PAX2: variants seen among roughly 807,000 people sequenced by gnomAD.
PAX2 encodes paired box protein Pax-2.
PAX2 carries 9 observed loss-of-function variants against 41.7 expected under a neutral mutation model. The observed-to-expected ratio is 0.22, with a 90% confidence interval of 0.13 to 0.38. The LOEUF is 0.38. PAX2 is among the 10% of genes least tolerant of loss of function. The pLI, the probability that PAX2 is intolerant of heterozygous loss-of-function variation, is 1.00. For synonymous variants in PAX2, 221 were observed against 212.7 expected, an observed-to-expected ratio of 1.04 and a Z score of -0.34; for missense variants, 418 against 531.6, an observed-to-expected ratio of 0.79 and a Z score of 2.10.
In PAX2 at chr10:100,828,552, C is replaced by T. The variant is rs1237186748; in HGVS notation, c.*933C>T. Reference sequence around the variant, plus strand: ...CCCTGACTCGCAGCCCCATCGGACGCTCTCCCGGGACCGCCGCAGGACCAG... The same window carrying T: ...CCCTGACTCGCAGCCCCATCGGACGTTCTCCCGGGACCGCCGCAGGACCAG... On this transcript the variant is annotated 3_prime_UTR_variant, in exon 10 of 10. Coordinates refer to ENST00000355243, the MANE Select transcript of PAX2 (RefSeq NM_000278.5). The surrounding 1 kb of genome is among the most constrained non-coding windows in gnomAD (Gnocchi z 6.5). 1 of 233,278 alleles carries T rather than the reference C, an allele frequency of 4.3e-6. No individual in the cohort carries two copies. The highest frequency in any genetic ancestry group is 8.5e-6 in the Non-Finnish European group (1 of 118,126). The allele number at this position is 233,278 out of a possible 1,614,324, so 14.5% of individuals were successfully genotyped here.
At chr10:100,800,761 G>C (rs905380801) in intron 5 of PAX2, among the ~76,000 whole-genome samples, 12 of 152,200 alleles carry the variant, frequency 7.9e-5, no homozygotes, top group Non-Finnish European at 1.3e-4. Flanking sequence ...GGGGTGAGAG[G>C]TGTGAGATAG....
At chr10:100,825,377 G>C (rs1284562883) in intron 8 of PAX2, among the ~76,000 whole-genome samples, 3 of 152,110 alleles carry the variant, frequency 2.0e-5, no homozygotes, top group South Asian at 4.1e-4. Context: ...CTTCCCTGGG[G>C]CTCTGACCCA....
upstream of PAX2, among the ~76,000 whole-genome samples, chr10:100,743,095 G>A (rs1845027874): frequency 6.6e-6 from 1 of 151,830 alleles, no homozygotes; most frequent in Non-Finnish European, 1.5e-5. Context: ...GGAGCTAATG[G>A]GGAAGCGGCC....
At chr10:100,796,283 C>A (rs1362721212) in intron 5 of PAX2, among the ~76,000 whole-genome samples, 6 of 152,074 alleles carry the variant, frequency 3.9e-5, no homozygotes, top group African/African-American at 1.2e-4. Context: ...ATTTTTTAAT[C>A]AAAAATTGAA....
chr10:100,767,140 C>G (rs1312422426), intron 3 of PAX2, among the ~76,000 whole-genome samples: 1 of 152,160 alleles, frequency 6.6e-6, no homozygotes, highest in African/African-American at 2.4e-5. Flanking sequence ...ATAGGCACAC[C>G]CATACCCACA....
At chr10:100,823,733 A>T (rs981304551) in intron 7 of PAX2, among the ~76,000 whole-genome samples, 10 of 152,136 alleles carry the variant, frequency 6.6e-5, no homozygotes, top group African/African-American at 2.2e-4. Flanking sequence ...AGATCAGAGC[A>T]TGCTAAATTG....
intron 1 of PAX2, among the ~76,000 whole-genome samples, chr10:100,738,952 T>G (rs1483927319): frequency 6.6e-6 from 1 of 150,874 alleles, no homozygotes; most frequent in Non-Finnish European, 1.5e-5. Context: ...GGTCTCACCC[T>G]ACAGAGAGGG....
chr10:100,744,354 C>G (rs753082584), upstream of PAX2, among the ~76,000 whole-genome samples: 15 of 152,244 alleles, frequency 9.9e-5, no homozygotes, highest in Non-Finnish European at 1.9e-4. Flanking sequence ...AAAACATCAG[C>G]TGAAGTGCCA....
At chr10:100,808,283 G>A (rs1338331957) in intron 6 of PAX2, among the ~76,000 whole-genome samples, 1 of 152,060 alleles carries the variant, frequency 6.6e-6, no homozygotes, top group Admixed American at 6.6e-5. Context: ...AATACGAGAA[G>A]GAATTGGAAA....
intron 3 of PAX2, among the ~76,000 whole-genome samples, chr10:100,755,441 G>C (rs929823850): frequency 6.6e-6 from 1 of 152,242 alleles, no homozygotes; most frequent in Non-Finnish European, 1.5e-5. Flanking sequence ...AGAAAAGAGA[G>C]GGAAAACCCA....
At chr10:100,785,138 A>G (rs934460436) in intron 5 of PAX2, among the ~76,000 whole-genome samples, 5 of 152,174 alleles carry the variant, frequency 3.3e-5, no homozygotes, top group African/African-American at 1.2e-4. Flanking sequence ...AGGGATGCCA[A>G]TTCCCTGAAC....
chr10:100,771,043 C>G (rs1008783960), intron 3 of PAX2, among the ~76,000 whole-genome samples: 1 of 152,176 alleles, frequency 6.6e-6, no homozygotes, highest in African/African-American at 2.4e-5. Context: ...AAGATGGGAC[C>G]CGGTGATTTG....
At chr10:100,741,147 C>A (rs1318701314), upstream of PAX2, among the ~76,000 whole-genome samples, 1 of 152,218 alleles carries the variant, frequency 6.6e-6, no homozygotes, top group Admixed American at 6.5e-5. Flanking sequence ...AGGCCCAGCA[C>A]GTGCGCCTGG....
intron 3 of PAX2, among the ~76,000 whole-genome samples, chr10:100,769,680 A>AT: frequency 6.6e-6 from 1 of 150,822 alleles, no homozygotes; most frequent in African/African-American, 2.4e-5. Flanking sequence ...AAAAAAATAA[A>AT]AAACAAAAAA....
chr10:100,782,785 G>C (rs945317378), intron 5 of PAX2, among the ~76,000 whole-genome samples: 3 of 152,272 alleles, frequency 2.0e-5, no homozygotes, highest in African/African-American at 7.2e-5. Context: ...GATGGGCAGG[G>C]GGAGGTTGTG....
intron 5 of PAX2, among the ~76,000 whole-genome samples, chr10:100,805,028 A>T (rs1422153217): frequency 0.012 from 68 of 5,720 alleles, no homozygotes; most frequent in African/African-American, 0.021. Context: ...TCACATACAC[A>T]CACACACACA....
At chr10:100,796,831 A>G (rs1303712626) in intron 5 of PAX2, among the ~76,000 whole-genome samples, 1 of 152,208 alleles carries the variant, frequency 6.6e-6, no homozygotes, top group Non-Finnish European at 1.5e-5. Flanking sequence ...GCAATAGTGG[A>G]AAGGGATCTG....
intron 7 of PAX2, among the ~76,000 whole-genome samples, chr10:100,820,472 A>G (rs1043315380): frequency 6.6e-5 from 10 of 152,162 alleles, no homozygotes; most frequent in African/African-American, 2.4e-4. Context: ...TAATCCCAGC[A>G]CTTTTGGAGG....
intron 1 of PAX2, among the ~76,000 whole-genome samples, chr10:100,737,533 G>A (rs1844816539): frequency 6.6e-6 from 1 of 152,208 alleles, no homozygotes; most frequent in Admixed American, 6.5e-5. Flanking sequence ...CAGCAGCTCC[G>A]GGAAAGGCGG....
Sources: gnomAD v4.1 joint callset for allele counts (sites outside exome capture counted in the v4.1 genomes callset) on GRCh38, gnomAD v4.1.1 for gene constraint, Gnocchi (gnomAD v3.1) non-coding constraint, MANE v1.5 for transcripts, NCBI Gene and HGNC (gene_info 2026-07-23, HGNC 2026-07-21) for gene names.